ENPP3: variants seen among roughly 807,000 people sequenced by gnomAD.
The protein encoded by ENPP3 is ectonucleotide pyrophosphatase/phosphodiesterase family member 3.
ENPP3 carries 104 observed loss-of-function variants against 117.8 expected under a neutral mutation model. The ratio of observed to expected loss-of-function variants is 0.88; its 90% CI spans 0.75 to 1.04. The LOEUF is 1.04. Among genes scored for constraint, ENPP3 ranks in the 50% least tolerant of loss-of-function variants. ENPP3 has a pLI of 0.00. For synonymous variants in ENPP3, 380 were observed against 349.9 expected (o/e 1.09, Z -0.96); for missense variants, 1,026 against 1,051.9 (o/e 0.98, Z 0.34).
intron 24 of ENPP3, among the ~76,000 whole-genome samples, chr6:131,740,946 C>T (rs1780516119): frequency 6.6e-6 from 1 of 152,072 alleles, no homozygotes; most frequent in South Asian, 2.1e-4. Context: ...AAGTTCTTCC[C>T]AATGTTAGCA....
intron 20 of ENPP3, 37 bp downstream of exon 20, chr6:131,726,237 A>C (rs748159309): frequency 1.9e-6 from 3 of 1,573,884 alleles, no homozygotes; most frequent in Admixed American, 1.8e-5. Context: ...GCAGGCAAGA[A>C]ATATTTATAA....
chr6:131,738,867 G>A (rs780396918), intron 23 of ENPP3, among the ~76,000 whole-genome samples: 9 of 152,166 alleles, frequency 5.9e-5, no homozygotes, highest in Non-Finnish European at 1.0e-4. Context: ...TTCTGATAAA[G>A]TAACATTTAT....
chr6:131,637,510 TA>T lies in ENPP3; in HGVS notation c.78+52del, dbSNP rs760172213. The T allele has an allele frequency of 9.3e-6, 10 of 1,078,730 alleles. No individual in the cohort carries two copies. The East Asian group carries it at 2.5e-4, about 27-fold the overall frequency. The allele number at this position is 1,078,730 out of a possible 1,614,324, so 66.8% of individuals were successfully genotyped here. A position where few individuals can be genotyped will look rare whatever the true frequency, so the allele number is the denominator to read the frequency against. ...GTCTTTCTAGTTTTGTGACAAATGT[TA>T]AAAGTATATGATTTCCCATTTACAT... On this transcript the variant is annotated intron_variant, in intron 1 of 24. Coordinates refer to ENST00000357639, the MANE Select transcript of ENPP3 (RefSeq NM_005021.5).
intron 8 of ENPP3, among the ~76,000 whole-genome samples, chr6:131,674,724 C>A (rs920112269): frequency 3.3e-5 from 5 of 151,856 alleles, no homozygotes; most frequent in African/African-American, 1.2e-4. Flanking sequence ...CACGCACCAC[C>A]ACGCCCAGCT....
At chr6:131,666,238 G>T (rs909165105) in intron 6 of ENPP3, among the ~76,000 whole-genome samples, 39 of 151,992 alleles carry the variant, frequency 2.6e-4, no homozygotes, top group African/African-American at 9.2e-4. Context: ...GTTTTATAGG[G>T]CTTCTCTTGT....
intron 1 of ENPP3, among the ~76,000 whole-genome samples, chr6:131,638,018 C>T (rs532718428): frequency 1.5e-4 from 22 of 146,878 alleles, no homozygotes; most frequent in African/African-American, 2.8e-4. Flanking sequence ...TCCAGAAATA[C>T]GCTTATCCAT....
chr6:131,700,604 G>A, intron 15 of ENPP3: 1 of 1,551,142 alleles, frequency 6.4e-7, no homozygotes, highest in Admixed American at 1.9e-5. Flanking sequence ...TCTGCTCCTT[G>A]GGGTTCCCAT....
intron 14 of ENPP3, among the ~76,000 whole-genome samples, chr6:131,690,854 T>A (rs9483321): frequency 0.32 from 48,185 of 151,776 alleles, 13,295 homozygotes; most frequent in African/African-American, 0.74. Flanking sequence ...AAGTGTATAC[T>A]TGCAATGTGT....
rs541219950 is a variant in ENPP3, at chr6:131,711,344, G to T, written c.1413-7328G>T. ...TTTTGGTGAATACACTTTTAAAATT[G>T]CTGTCTTCTTCATGGATTAAACCTT... On this transcript the variant is annotated intron_variant, in intron 15 of 24. Coordinates refer to ENST00000357639, the MANE Select transcript of ENPP3 (RefSeq NM_005021.5). 3.3e-4 allele frequency among the ~76,000 whole-genome samples: 49 copies of T among 146,486 alleles called. 1 individual carries two copies. Among genetic ancestry groups the T allele is most frequent in the African/African-American group, 1.2e-3 (43 of 36,718 alleles).
At chr6:131,666,888 G>A (rs1465327217) in intron 6 of ENPP3, among the ~76,000 whole-genome samples, 2 of 152,212 alleles carry the variant, frequency 1.3e-5, no homozygotes, top group African/African-American at 4.8e-5. Context: ...GGCCTGATCA[G>A]CGATTCTGGA....
intron 18 of ENPP3, 126 bp downstream of exon 18, chr6:131,722,531 T>TCC: frequency 2.8e-6 from 2 of 718,982 alleles, no homozygotes; most frequent in South Asian, 1.8e-5. Context: ...TTAGTAAATA[T>TCC]ATGTGGTTTC....
intron 15 of ENPP3, among the ~76,000 whole-genome samples, chr6:131,716,519 A>G (rs948560791): frequency 2.6e-5 from 4 of 151,654 alleles, no homozygotes; most frequent in African/African-American, 9.7e-5. Context: ...TTACCAAAAA[A>G]CTTAGTCAAA....
chr6:131,680,261 G>A (rs1421183747), intron 11 of ENPP3, among the ~76,000 whole-genome samples: 1 of 152,126 alleles, frequency 6.6e-6, no homozygotes, highest in Non-Finnish European at 1.5e-5. Context: ...GACTTGGCAT[G>A]ACTTAATGTG....
intron 18 of ENPP3, among the ~76,000 whole-genome samples, chr6:131,723,010 A>G (rs1036618599): frequency 5.3e-5 from 8 of 152,230 alleles, no homozygotes; most frequent in African/African-American, 1.7e-4. Context: ...GAGTCATAAC[A>G]GCAGCTCAAA....
intron 24 of ENPP3, 37 bp from the exon 25 acceptor site, chr6:131,746,749 C>G (rs1210478571): frequency 3.8e-6 from 6 of 1,570,056 alleles, no homozygotes; most frequent in Non-Finnish European, 5.2e-6. Context: ...AAAATACTGC[C>G]TTGTGAAAAA....
intron 20 of ENPP3, among the ~76,000 whole-genome samples, chr6:131,731,063 G>A (rs922958094): frequency 6.6e-6 from 1 of 151,858 alleles, no homozygotes; most frequent in African/African-American, 2.4e-5. Flanking sequence ...GTTTTCTTTT[G>A]GCTGTCGTAT....
intron 21 of ENPP3, among the ~76,000 whole-genome samples, chr6:131,734,272 TTTGTTG>T (rs956264655): frequency 3.3e-5 from 5 of 152,032 alleles, no homozygotes; most frequent in African/African-American, 9.7e-5. Context: ...AATTTAAGTT[TTTGTTG>T]TTGTTGTTGT....
At chr6:131,678,697 A>G in intron 11 of ENPP3, among the ~76,000 whole-genome samples, 1 of 152,178 alleles carries the variant, frequency 6.6e-6, no homozygotes, top group East Asian at 1.9e-4. Flanking sequence ...ATTTCTCAGA[A>G]AAGCTTTTTT....
chr6:131,682,296 A>G (rs1399098466), intron 11 of ENPP3, among the ~76,000 whole-genome samples: 1 of 151,998 alleles, frequency 6.6e-6, no homozygotes, highest in Non-Finnish European at 1.5e-5. Context: ...GAGTTTGAGA[A>G]CAGCCTGGGA....
Sources: gnomAD v4.1 joint callset for allele counts (sites outside exome capture counted in the v4.1 genomes callset) on GRCh38, gnomAD v4.1.1 for gene constraint, MANE v1.5 for transcripts, NCBI Gene and HGNC (gene_info 2026-07-23, HGNC 2026-07-21) for gene names.